CLCN4: variants seen among roughly 807,000 people sequenced by gnomAD.
The protein encoded by CLCN4 is Cl-/H+ antiporter 4.
Under a neutral mutation model 41.7 loss-of-function variants are expected in CLCN4, and 1 was observed. The observed-to-expected ratio is 0.02, with a 90% CI of 0.01 to 0.11. The LOEUF (loss-of-function observed/expected upper bound fraction) is 0.11, where lower values mean the gene tolerates loss of function less well. Ranked by LOEUF, CLCN4 falls within the 10% of genes least tolerant of loss-of-function variation. The pLI, the probability that CLCN4 is intolerant of heterozygous loss-of-function variation, is 1.00. For missense variants in CLCN4, 287 were observed against 661.0 expected (o/e 0.43, Z 6.20); for synonymous variants, 277 against 285.8 (o/e 0.97, Z 0.31).
Position 10,237,489 on chromosome X carries a change from G to A in CLCN4, c.*3905G>A, listed in dbSNP as rs1324693909. 2 of 111,539 alleles carry A rather than the reference G, an allele frequency of 1.8e-5. No homozygotes were observed. Among genetic ancestry groups the A allele is most frequent in the Admixed American group, 1.9e-4 (2 of 10,460 alleles). The allele number at this position is 111,539 out of a possible 1,213,427, so 9.2% of individuals were successfully genotyped here. ...AGAGGTGCTGGGAATGAGCCTACGT[G>A]CGACTTTGATGAGATATATTCACAT... On this transcript the variant is annotated 3_prime_UTR_variant, in exon 13 of 13. Coordinates refer to ENST00000380833, the MANE Select transcript of CLCN4 (RefSeq NM_001830.4).
At chrX:10,227,248 A>G (rs999750723) in intron 12 of CLCN4, among the ~76,000 whole-genome samples, 16 of 111,669 alleles carry the variant, frequency 1.4e-4, no homozygotes, top group Admixed American at 3.8e-4. Flanking sequence ...CTGGTTCAAC[A>G]TACACAAATC....
chrX:10,177,687 G>A (rs1161858828), intron 2 of CLCN4, among the ~76,000 whole-genome samples: 5 of 112,032 alleles, frequency 4.5e-5, no homozygotes, highest in East Asian at 5.6e-4. Context: ...TCAATAAAAA[G>A]CTTACTCAAG....
intron 11 of CLCN4, among the ~76,000 whole-genome samples, chrX:10,216,340 C>T (rs964846325): frequency 3.6e-5 from 4 of 112,124 alleles, no homozygotes; most frequent in African/African-American, 1.3e-4. Context: ...ACCTAGGCAA[C>T]GTGACTCTCT....
In CLCN4 at chrX:10,187,601, C is replaced by T. The variant is rs777737862; in HGVS notation, c.231C>T (p.Ile77=). Residue 77 remains isoleucine, a synonymous_variant, in exon 4 of 13, where the codon ATC becomes ATT. Transcript: ENST00000380833. ...CGGGATGGGTGGTGATGCTGCTCAT[C>T]GGCCTGCTGGCGGGTACGTGGATGG... ...AWSGWVVMLL[I]GLLAGTLAGV... 1.8e-5 allele frequency: 22 copies of T among 1,207,768 alleles called. No individual in the cohort carries two copies. The highest frequency in any genetic ancestry group is 3.0e-5 in the East Asian group (1 of 33,765).
At chrX:10,203,696 G>A (rs1445574316) in intron 6 of CLCN4, among the ~76,000 whole-genome samples, 1 of 111,713 alleles carries the variant, frequency 9.0e-6, no homozygotes, top group African/African-American at 3.3e-5. Flanking sequence ...TACAGAGGCT[G>A]TAAAAATCCT....
At chrX:10,164,691 G>T (rs1026596450) in intron 2 of CLCN4, among the ~76,000 whole-genome samples, 1 of 111,789 alleles carries the variant, frequency 8.9e-6, no homozygotes, top group Admixed American at 9.4e-5. Flanking sequence ...GAAGCCTGGC[G>T]TGGGAGGGTA....
At chrX:10,202,380 C>T (rs1318770963) in intron 6 of CLCN4, among the ~76,000 whole-genome samples, 1 of 110,148 alleles carries the variant, frequency 9.1e-6, no homozygotes, top group Non-Finnish European at 1.9e-5. Context: ...GGTTGAGGCA[C>T]GAGAATCGCT....
In CLCN4 at chrX:10,208,534, C is replaced by G; in HGVS notation, c.1333C>G (p.Leu445Val). 1 of 1,210,910 alleles carries G rather than the reference C, an allele frequency of 8.3e-7. No individual in the cohort carries two copies. The highest frequency in any genetic ancestry group is 1.1e-6 in the Non-Finnish European group (1 of 895,241). ...CGGTGTTTACACGGCCATGTGGCAG[C>G]TGGCCCTGGCACTGATCTTCAAAAT... is the stretch of plus-strand genomic sequence containing the variant. Reference protein sequence around the residue: ...GVGVYTAMWQLALALIFKIVV... With the variant: ...GVGVYTAMWQVALALIFKIVV... The change falls in exon 9 of 13, where the codon CTG becomes GTG. Residue 445 changes from leucine to valine, a missense_variant. Coordinates refer to ENST00000380833, the MANE Select transcript of CLCN4 (RefSeq NM_001830.4).
intron 2 of CLCN4, among the ~76,000 whole-genome samples, chrX:10,168,266 G>A (rs997111367): frequency 6.3e-5 from 7 of 111,641 alleles, no homozygotes; most frequent in Non-Finnish European, 9.4e-5. Context: ...TTGGGCATTC[G>A]GCCTTTGCAG....
intron 12 of CLCN4, among the ~76,000 whole-genome samples, chrX:10,228,762 T>C (rs770717984): frequency 8.0e-5 from 9 of 112,006 alleles, no homozygotes; most frequent in Middle Eastern, 4.6e-3. Flanking sequence ...ACTGCAGTTC[T>C]ATAAGGTATG....
chrX:10,199,442 C>T (rs1275251710), intron 6 of CLCN4, among the ~76,000 whole-genome samples: 12 of 112,402 alleles, frequency 1.1e-4, no homozygotes, highest in East Asian at 5.6e-4. Flanking sequence ...AAGTGGGTGT[C>T]GCAAGGGCTG....
chrX:10,192,742 G>A (rs1373630331), intron 4 of CLCN4, among the ~76,000 whole-genome samples: 3 of 112,436 alleles, frequency 2.7e-5, no homozygotes, highest in African/African-American at 9.7e-5. Flanking sequence ...GGGCAGGACT[G>A]AGGCTGGAGA....
chrX:10,208,936 TG>T (rs1924464893), intron 9 of CLCN4, among the ~76,000 whole-genome samples: 1 of 111,815 alleles, frequency 8.9e-6, no homozygotes, highest in African/African-American at 3.3e-5. Flanking sequence ...TTCCTGCCGC[TG>T]GCCAGGTGAT....
intron 4 of CLCN4, among the ~76,000 whole-genome samples, chrX:10,189,626 C>G (rs1010468415): frequency 8.9e-6 from 1 of 112,118 alleles, no homozygotes; most frequent in Non-Finnish European, 1.9e-5. Context: ...AAGGGACAGC[C>G]AGAGAGCCAC....
chrX:10,203,421 G>C (rs1386008021), intron 6 of CLCN4, among the ~76,000 whole-genome samples: 2 of 111,195 alleles, frequency 1.8e-5, no homozygotes, highest in Non-Finnish European at 3.8e-5. Flanking sequence ...CCATCTGACT[G>C]TATAGCTAGG....
chrX:10,208,563 C>T lies in CLCN4; in HGVS notation c.1362C>T (p.Val454=), dbSNP rs370867639. 20 of 1,206,197 alleles carry T rather than the reference C, an allele frequency of 1.7e-5. No homozygotes were observed. The highest frequency in any genetic ancestry group is 1.1e-4 in the African/African-American group (6 of 56,772). Residue 454 remains valine (V), a synonymous_variant, in exon 9 of 13, where the codon GTC becomes GTT. Transcript: ENST00000380833. The stretch of plus-strand genomic sequence containing the variant: ...CCCTGGCACTGATCTTCAAAATCGT[C>T]GTTACCATATTTACCTTTGGCATGA... ...QLALALIFKI[V]VTIFTFGMKI...
chrX:10,212,405 G>A, intron 9 of CLCN4, 62 bp from the exon 10 acceptor site: 2 of 1,076,417 alleles, frequency 1.9e-6, no homozygotes, highest in South Asian at 2.0e-5. Context: ...TGTTTCTTGG[G>A]GGTCGTGAAG....
chrX:10,177,751 G>A (rs1253820172), intron 2 of CLCN4, among the ~76,000 whole-genome samples: 2 of 112,259 alleles, frequency 1.8e-5, no homozygotes, highest in African/African-American at 6.5e-5. Context: ...GTTCCCATCT[G>A]ACCCAGCAAT....
At chrX:10,220,931 A>C in intron 12 of CLCN4, 54 bp downstream of exon 12, 1 of 1,014,148 alleles carries the variant, frequency 9.9e-7, no homozygotes, top group Non-Finnish European at 1.4e-6. Context: ...GATGAGTGAG[A>C]CATGGTCTCA....
Sources: allele counts gnomAD v4.1 joint callset (sites outside exome capture counted in the v4.1 genomes callset), GRCh38; gene constraint gnomAD v4.1.1; transcripts MANE v1.5; gene names NCBI Gene and HGNC (gene_info 2026-07-23, HGNC 2026-07-21).